The following OTUD7A variants were observed in gnomAD, a reference collection of about 807,000 sequenced individuals.
OTUD7A encodes OTU deubiquitinase 7A, also known as OTU domain-containing protein 7A.
A neutral mutation model predicts 65.7 loss-of-function variants in OTUD7A; 12 were observed. The observed-to-expected ratio is 0.18, with a 90% CI of 0.12 to 0.30. The LOEUF (loss-of-function observed/expected upper bound fraction) is 0.30, where lower values mean the gene tolerates loss of function less well. Among genes scored for constraint, OTUD7A ranks in the 10% least tolerant of loss-of-function variants. The pLI is 1.00. For missense variants in OTUD7A, 1,148 were observed against 1,304.8 expected, an observed-to-expected ratio of 0.88 and a Z score of 1.85; for synonymous variants, 641 against 586.3, an observed-to-expected ratio of 1.09 and a Z score of -1.35.
chr15:31,608,936 C>T (rs1026785835), intron 3 of OTUD7A, among the ~76,000 whole-genome samples: 1 of 152,166 alleles, frequency 6.6e-6, no homozygotes, highest in Non-Finnish European at 1.5e-5. Flanking sequence ...ACTGCAGAAG[C>T]AGGAAAGGGA....
intron 5 of OTUD7A, among the ~76,000 whole-genome samples, chr15:31,537,997 C>T (rs1444206546): frequency 6.6e-6 from 1 of 152,242 alleles, no homozygotes; most frequent in African/African-American, 2.4e-5. Context: ...TTCAGGCAAG[C>T]CTCCTTGCCT....
At chr15:31,581,958 CT>C (rs1273297847) in intron 3 of OTUD7A, among the ~76,000 whole-genome samples, 3 of 152,356 alleles carry the variant, frequency 2.0e-5, no homozygotes, top group Non-Finnish European at 4.4e-5. Flanking sequence ...CTCTGCTTCC[CT>C]TTTCAACATA....
At chr15:31,543,663 C>T (rs1012625890) in intron 5 of OTUD7A, among the ~76,000 whole-genome samples, 1 of 151,748 alleles carries the variant, frequency 6.6e-6, no homozygotes, top group African/African-American at 2.4e-5. Flanking sequence ...TTAATAAGCA[C>T]CCTCTACACT....
At chr15:31,616,885 G>A (rs7177409) in intron 3 of OTUD7A, among the ~76,000 whole-genome samples, 48,458 of 151,948 alleles carry the variant, frequency 0.32, 9,888 homozygotes, top group African/African-American at 0.58. Context: ...TATGTGACAG[G>A]AAGCATGTGT....
At chr15:31,578,607 C>T (rs1293507909) in intron 3 of OTUD7A, among the ~76,000 whole-genome samples, 2 of 151,602 alleles carry the variant, frequency 1.3e-5, no homozygotes, top group Non-Finnish European at 1.5e-5. Flanking sequence ...GCTGGAGTGC[C>T]GTGGTGCAAT....
chr15:31,507,353 TG>T (rs918775599), intron 8 of OTUD7A, among the ~76,000 whole-genome samples: 15 of 152,114 alleles, frequency 9.9e-5, no homozygotes, highest in East Asian at 3.8e-4. Flanking sequence ...TAGATCTGTA[TG>T]TTTTTTTTGT....
intron 1 of OTUD7A, among the ~76,000 whole-genome samples, chr15:31,697,713 G>A (rs950053981): frequency 2.6e-5 from 4 of 152,224 alleles, no homozygotes; most frequent in African/African-American, 9.6e-5. Flanking sequence ...GGGCTAGCTA[G>A]CATGCACACC....
At chr15:31,846,222 G>C (rs1897289823) in intron 1 of OTUD7A, among the ~76,000 whole-genome samples, 1 of 152,228 alleles carries the variant, frequency 6.6e-6, no homozygotes, top group South Asian at 2.1e-4. Context: ...CCCACTTTCA[G>C]ATATGATCAA....
intron 3 of OTUD7A, among the ~76,000 whole-genome samples, chr15:31,654,720 T>G (rs947036479): frequency 6.6e-6 from 1 of 152,212 alleles, no homozygotes; most frequent in Non-Finnish European, 1.5e-5. Flanking sequence ...GCAAATGGTA[T>G]CTACGTGAAA....
chr15:31,481,747 CCTTT>C lies in OTUD7A; in HGVS notation c.*1543_*1546del, dbSNP rs1379595382. 2 of 151,122 alleles carry C rather than the reference CCTTT, an allele frequency of 1.3e-5. No homozygotes were observed. The highest frequency in any genetic ancestry group is 3.9e-4 in the East Asian group (2 of 5,180). The allele number at this position is 151,122 out of a possible 1,614,324, so 9.4% of individuals were successfully genotyped here. Reference sequence around the variant, plus strand: ...AAGTAAAAAAAATCCCCTCGCCCCCCCTTTTTTTTTGTTTTTGCTGCTCTTTAGT... The same window carrying C: ...AAGTAAAAAAAATCCCCTCGCCCCCCTTTTTTGTTTTTGCTGCTCTTTAGT... On this transcript the variant is annotated 3_prime_UTR_variant, in exon 13 of 13. Transcript: ENST00000307050.
At chr15:31,820,415 A>G (rs1896649264) in intron 1 of OTUD7A, among the ~76,000 whole-genome samples, 1 of 152,092 alleles carries the variant, frequency 6.6e-6, no homozygotes, top group South Asian at 2.1e-4. Context: ...CTATTTTTTG[A>G]GCTATATTTT....
chr15:31,598,508 C>T (rs1889976071), intron 3 of OTUD7A, among the ~76,000 whole-genome samples: 1 of 152,202 alleles, frequency 6.6e-6, no homozygotes, highest in African/African-American at 2.4e-5. Context: ...TTGCAACCTG[C>T]AGACCAGGAG....
At chr15:31,587,324 AG>A (rs1187716462) in intron 3 of OTUD7A, among the ~76,000 whole-genome samples, 1 of 152,126 alleles carries the variant, frequency 6.6e-6, no homozygotes, top group African/African-American at 2.4e-5. Flanking sequence ...TCCACAGGAC[AG>A]CCAGAGTGGC....
At chr15:31,573,336 T>A (rs1889108467) in intron 3 of OTUD7A, among the ~76,000 whole-genome samples, 1 of 152,160 alleles carries the variant, frequency 6.6e-6, no homozygotes, top group African/African-American at 2.4e-5. Flanking sequence ...ATTTCTCAAA[T>A]GGACACTTTT....
chr15:31,513,416 C>T (rs762895909), intron 8 of OTUD7A, among the ~76,000 whole-genome samples: 47 of 152,200 alleles, frequency 3.1e-4, no homozygotes, highest in Non-Finnish European at 5.1e-4. Flanking sequence ...CCAGACCCCA[C>T]GTGTGTGTGC....
intron 3 of OTUD7A, among the ~76,000 whole-genome samples, chr15:31,596,835 T>G (rs1187096738): frequency 2.0e-5 from 3 of 152,224 alleles, no homozygotes; most frequent in Non-Finnish European, 1.5e-5. Flanking sequence ...TATAATTAAT[T>G]TGTGGTTGTA....
intron 1 of OTUD7A, among the ~76,000 whole-genome samples, chr15:31,676,445 T>C (rs538435865): frequency 4.6e-5 from 7 of 152,360 alleles, no homozygotes; most frequent in African/African-American, 7.2e-5. Context: ...TGGCCAGTTC[T>C]TTCTCCTCCA....
intron 8 of OTUD7A, among the ~76,000 whole-genome samples, chr15:31,504,192 G>A (rs963710091): frequency 4.6e-5 from 7 of 152,132 alleles, no homozygotes; most frequent in African/African-American, 1.7e-4. Context: ...GAGGGATGGA[G>A]GGGTTCCTCT....
At position 31,731,070 on chromosome 15, in the gene OTUD7A, C is replaced by T. The variant is rs371243248; in HGVS notation, c.-99-73993G>A. ...CTTGGGTCTCAGGGGATGTGCAGCA[C>T]CAGACTCCTGGGATAATGCATTTGT... On this transcript the variant is annotated intron_variant, in intron 1 of 12. Transcript: ENST00000307050. Among the ~76,000 whole-genome samples, 49 of 152,310 alleles carry T rather than the reference C, an allele frequency of 3.2e-4. No individual in the cohort carries two copies. The South Asian group carries it at 9.3e-3, about 29-fold the overall frequency.
Sources: gnomAD v4.1 joint callset for allele counts (sites outside exome capture counted in the v4.1 genomes callset) on GRCh38, gnomAD v4.1.1 for gene constraint, MANE v1.5 for transcripts, NCBI Gene and HGNC (gene_info 2026-07-23, HGNC 2026-07-21) for gene names.